Variants in ROS1 observed in about 807,000 individuals in gnomAD.
ROS1 encodes ROS proto-oncogene 1, receptor tyrosine kinase.
A neutral mutation model predicts 273.5 loss-of-function variants in ROS1; 263 were observed. That is an observed-to-expected ratio of 0.96 (90% CI 0.87 to 1.06). ROS1 has a LOEUF of 1.06. Ranked by LOEUF, ROS1 falls within the 50% of genes least tolerant of loss-of-function variation. The pLI is 0.00. For synonymous variants in ROS1, 1,008 were observed against 954.1 expected, an observed-to-expected ratio of 1.06 and a Z score of -1.04; for missense variants, 2,833 against 2,751.1, an observed-to-expected ratio of 1.03 and a Z score of -0.67.
chr6:117,343,958 G>C, intron 28 of ROS1, 102 bp downstream of exon 28: 1 of 959,220 alleles, frequency 1.0e-6, no homozygotes, highest in East Asian at 2.6e-5. Flanking sequence ...TTGCGTACTA[G>C]TCCATTTCAG....
chr6:117,291,183 C>A (rs1003334338), intron 43 of ROS1, among the ~76,000 whole-genome samples: 1 of 152,096 alleles, frequency 6.6e-6, no homozygotes, highest in Non-Finnish European at 1.5e-5. Context: ...TTGTAAATAA[C>A]AGAACAGCAA....
intron 12 of ROS1, 64 bp from the exon 13 acceptor site, chr6:117,389,910 G>A (rs887136729): frequency 5.5e-5 from 77 of 1,390,584 alleles, no homozygotes; most frequent in Non-Finnish European, 7.2e-5. Flanking sequence ...AACCTCCTCA[G>A]CTAATTGCTT....
Position 117,356,784 on chromosome 6 carries a change from C to A in ROS1, c.3971G>T (p.Cys1324Phe), listed in dbSNP as rs1385042218. 1.9e-6 allele frequency: 3 copies of A among 1,614,150 alleles called. No homozygotes were observed. Among genetic ancestry groups the A allele is most frequent in the Non-Finnish European group, 2.5e-6 (3 of 1,180,028 alleles). ...ACTTAACTCAAATTCAGTCACATTACAAGAACATTGATTCCTTTTGTTTTG... is the reference window on the plus strand; with the variant it reads ...ACTTAACTCAAATTCAGTCACATTAAAAGAACATTGATTCCTTTTGTTTTG... ...NQQNKRNQCSCNVTEFELSGA... is the reference protein window; with the variant it reads ...NQQNKRNQCSFNVTEFELSGA... Residue 1324 changes from cysteine (C) to phenylalanine (F), a missense_variant, in exon 26 of 44, where the codon TGT becomes TTT. Coordinates refer to ENST00000368507, the MANE Select transcript of ROS1 (RefSeq NM_001378902.1).
chr6:117,357,959 C>A lies in ROS1; in HGVS notation c.3684G>T (p.Trp1228Cys). Reference protein sequence around the residue: ...VFDITVITIDWISRHLYFALK... With the variant: ...VFDITVITIDCISRHLYFALK... ...GTGCAAAGTAGAGGTGCCTTGAAAT[C>A]CAGTCAATTGTAATAACTGTGATAT... The change falls in exon 25 of 44, where the codon TGG (tryptophan) becomes TGT (cysteine). Residue 1228 changes from tryptophan (W) to cysteine (C), a missense_variant. Coordinates refer to ENST00000368507, the MANE Select transcript of ROS1 (RefSeq NM_001378902.1). The A allele has an allele frequency of 6.2e-7, 1 of 1,613,686 alleles. No individual in the cohort carries two copies. Among genetic ancestry groups the A allele is most frequent in the South Asian group, 1.1e-5 (1 of 91,044 alleles).
At chr6:117,346,397 A>G (rs751638041) in intron 27 of ROS1, among the ~76,000 whole-genome samples, 11 of 152,092 alleles carry the variant, frequency 7.2e-5, no homozygotes, top group Non-Finnish European at 1.5e-4. Context: ...GCAACATAAA[A>G]TAGACTCCAT....
In ROS1 at chr6:117,352,981, C is replaced by T; in HGVS notation, c.4303+9G>A. The T allele has an allele frequency of 6.2e-7, 1 of 1,609,748 alleles. No homozygotes were observed. The highest frequency in any genetic ancestry group is 8.5e-7 in the Non-Finnish European group (1 of 1,178,526). The stretch of plus-strand genomic sequence containing the variant: ...GAGAACAAGCTGATTACGAATGTGA[C>T]TTTATTACCTGGAAAAGGCTGCATA... On this transcript the variant is annotated intron_variant, in intron 27 of 43. Coordinates refer to ENST00000368507, the MANE Select transcript of ROS1 (RefSeq NM_001378902.1).
intron 18 of ROS1, among the ~76,000 whole-genome samples, chr6:117,370,037 A>C (rs963721137): frequency 2.0e-5 from 3 of 152,216 alleles, no homozygotes; most frequent in African/African-American, 7.2e-5. Flanking sequence ...GGATATATAC[A>C]TATGAATGCA....
chr6:117,414,493 C>A, intron 4 of ROS1, 26 bp downstream of exon 4: 1 of 743,094 alleles, frequency 1.3e-6, no homozygotes. Flanking sequence ...GGCTTGATTA[C>A]ATCTTTTTTG....
At chr6:117,316,772 T>C (rs997307652) in intron 39 of ROS1, among the ~76,000 whole-genome samples, 1 of 152,068 alleles carries the variant, frequency 6.6e-6, no homozygotes, top group African/African-American at 2.4e-5. Flanking sequence ...GACATACAAG[T>C]CTGGTACTCA....
intron 18 of ROS1, 36 bp from the exon 19 acceptor site, chr6:117,366,326 G>A (rs1381465664): frequency 6.5e-7 from 1 of 1,528,818 alleles, no homozygotes; most frequent in Non-Finnish European, 9.1e-7. Flanking sequence ...GTGTGTTTCT[G>A]GAGTGGTGGA....
At chr6:117,365,775 A>C (rs1247585259) in intron 19 of ROS1, 34 bp from the exon 20 acceptor site, 2 of 1,455,942 alleles carry the variant, frequency 1.4e-6, no homozygotes, top group Non-Finnish European at 9.2e-7. Context: ...AAATAGGAGA[A>C]AAAAATGGGG....
At chr6:117,417,274 G>A (rs894633060) in intron 2 of ROS1, among the ~76,000 whole-genome samples, 5 of 151,912 alleles carry the variant, frequency 3.3e-5, no homozygotes, top group Admixed American at 1.3e-4. Flanking sequence ...CCATTAACGC[G>A]TTACATTCTC....
intron 27 of ROS1, among the ~76,000 whole-genome samples, chr6:117,346,395 A>G (rs1246796083): frequency 6.6e-6 from 1 of 152,088 alleles, no homozygotes; most frequent in Non-Finnish European, 1.5e-5. Flanking sequence ...TAGCAACATA[A>G]AATAGACTCC....
chr6:117,293,164 C>T (rs763258846), intron 43 of ROS1, among the ~76,000 whole-genome samples: 1 of 152,172 alleles, frequency 6.6e-6, no homozygotes, highest in African/African-American at 2.4e-5. Flanking sequence ...TCTCCCTCTG[C>T]CATAGTGTAG....
At chr6:117,397,650 T>C (rs3798387) in intron 7 of ROS1, among the ~76,000 whole-genome samples, 10,467 of 152,246 alleles carry the variant, frequency 0.069, 402 homozygotes, top group Middle Eastern at 0.099. Context: ...CCAGACTACA[T>C]TTTCCTTACC....
intron 31 of ROS1, 101 bp from the exon 32 acceptor site, chr6:117,337,441 T>A: frequency 1.2e-6 from 1 of 832,700 alleles, no homozygotes; most frequent in Non-Finnish European, 1.8e-6. Flanking sequence ...AATTTAAGCA[T>A]TCTTTTCTAT....
chr6:117,406,799 T>C (rs1160535740), intron 5 of ROS1, among the ~76,000 whole-genome samples: 2 of 152,328 alleles, frequency 1.3e-5, no homozygotes, highest in East Asian at 1.9e-4. Flanking sequence ...AATTGAAAGA[T>C]AAAACTGTAT....
In ROS1 at chr6:117,373,994, T is replaced by C. The variant is rs138047310; in HGVS notation, c.2582+5065A>G. Among the ~76,000 whole-genome samples the C allele has an allele frequency of 7.1e-3, 1,077 of 152,288 alleles. 18 individuals are homozygous for C. Among genetic ancestry groups the C allele is most frequent in the African/African-American group, 0.025 (1,035 of 41,560 alleles). ...TACTGCTGAAAGAAATCATAGATGA[T>C]ACAAACAAATGGAAACACATCCCAT... On this transcript the variant is annotated intron_variant, in intron 18 of 43. Transcript: ENST00000368507.
intron 36 of ROS1, 154 bp downstream of exon 36, chr6:117,321,105 C>A: frequency 1.4e-6 from 1 of 735,732 alleles, no homozygotes; most frequent in Non-Finnish European, 2.1e-6. Flanking sequence ...TCCCAGGTCA[C>A]ATTTGAGAGT....
Sources: gnomAD v4.1 joint callset for allele counts (sites outside exome capture counted in the v4.1 genomes callset) on GRCh38, gnomAD v4.1.1 for gene constraint, MANE v1.5 for transcripts, NCBI Gene and HGNC (gene_info 2026-07-23, HGNC 2026-07-21) for gene names.